PTPRD: variants seen among roughly 807,000 people sequenced by gnomAD.
PTPRD encodes receptor-type tyrosine-protein phosphatase delta.
Under a neutral mutation model 214.5 loss-of-function variants are expected in PTPRD, and 34 were observed. The observed-to-expected ratio is 0.16, with a 90% CI of 0.12 to 0.21. The LOEUF (loss-of-function observed/expected upper bound fraction) is 0.21, where lower values mean the gene tolerates loss of function less well. Ranked by LOEUF, PTPRD falls within the 10% of genes least tolerant of loss-of-function variation. The pLI is 1.00. For synonymous variants in PTPRD, 1,128 were observed against 845.7 expected, an observed-to-expected ratio of 1.33 and a Z score of -5.79; for missense variants, 2,545 against 2,398.7, an observed-to-expected ratio of 1.06 and a Z score of -1.27.
chr9:8,607,602 C>T (rs2095279614), intron 14 of PTPRD, among the ~76,000 whole-genome samples: 1 of 152,088 alleles, frequency 6.6e-6, no homozygotes, highest in Non-Finnish European at 1.5e-5. Flanking sequence ...AAGACTGCGC[C>T]ACTGCACTCC....
intron 2 of PTPRD, among the ~76,000 whole-genome samples, chr9:10,567,192 A>C (rs546477719): frequency 1.7e-4 from 26 of 152,154 alleles, no homozygotes; most frequent in African/African-American, 5.8e-4. Flanking sequence ...TTTATATTTC[A>C]TATACCTAGA....
chr9:8,340,391 G>T lies in PTPRD; in HGVS notation c.5205C>A (p.His1735Gln), dbSNP rs770520673. 8.7e-6 allele frequency: 14 copies of T among 1,610,904 alleles called. No individual in the cohort carries two copies. In the Admixed American group the frequency reaches 1.3e-4, roughly 15 times the overall value. ...TGAGCATCACAACTATGGTGGAATT[G>T]TGTTCCCAGAGCATCCGCCAGAAGT... ...TEDFWRMLWE[H>Q]NSTIVVMLTK... Residue 1735 changes from histidine to glutamine, a missense_variant, in exon 42 of 46, where the codon CAC becomes CAA. Transcript: ENST00000381196.
intron 9 of PTPRD, among the ~76,000 whole-genome samples, chr9:9,372,460 T>C (rs867252022): frequency 1.3e-5 from 2 of 152,150 alleles, no homozygotes; most frequent in Non-Finnish European, 2.9e-5. Context: ...GTTTTCCATT[T>C]GCTTGGTAGA....
chr9:10,452,125 T>C (rs2098845608), intron 2 of PTPRD, among the ~76,000 whole-genome samples: 1 of 151,966 alleles, frequency 6.6e-6, no homozygotes, highest in Admixed American at 6.6e-5. Context: ...TGAAGAGGTA[T>C]TATCAATAGA....
intron 5 of PTPRD, among the ~76,000 whole-genome samples, chr9:9,821,668 T>C (rs188571023): frequency 1.1e-4 from 17 of 152,198 alleles, no homozygotes; most frequent in Non-Finnish European, 2.1e-4. Flanking sequence ...TAAGCATTTG[T>C]ATCTATTATT....
At chr9:10,276,555 G>A (rs2094702590) in intron 3 of PTPRD, among the ~76,000 whole-genome samples, 1 of 152,008 alleles carries the variant, frequency 6.6e-6, no homozygotes, top group Non-Finnish European at 1.5e-5. Flanking sequence ...TAGCCTCTAG[G>A]TACTTCTATA....
intron 4 of PTPRD, among the ~76,000 whole-genome samples, chr9:9,991,578 C>G (rs571642231): frequency 1.3e-5 from 2 of 152,108 alleles, no homozygotes; most frequent in African/African-American, 4.8e-5. Context: ...TCAGGCTGGT[C>G]TCGAACTCCT....
At chr9:9,994,767 C>T (rs71492011) in intron 4 of PTPRD, among the ~76,000 whole-genome samples, 21,801 of 151,996 alleles carry the variant, frequency 0.14, 1,804 homozygotes, top group African/African-American at 0.22. Context: ...AATTGTATTA[C>T]ATTTTAATTT....
At chr9:9,244,133 A>G (rs1470917346) in intron 9 of PTPRD, among the ~76,000 whole-genome samples, 2 of 152,172 alleles carry the variant, frequency 1.3e-5, no homozygotes, top group Non-Finnish European at 2.9e-5. Flanking sequence ...TACAAAATAA[A>G]AGAGGATACA....
chr9:9,780,885 C>A (rs1238055185), intron 5 of PTPRD, among the ~76,000 whole-genome samples: 1 of 152,156 alleles, frequency 6.6e-6, no homozygotes, highest in Non-Finnish European at 1.5e-5. Context: ...CAAGACAAAG[C>A]ATGGAGGAAC....
chr9:10,252,675 A>G (rs944967739), intron 3 of PTPRD, among the ~76,000 whole-genome samples: 1 of 152,232 alleles, frequency 6.6e-6, no homozygotes, highest in South Asian at 2.1e-4. Flanking sequence ...ATAAATTAGC[A>G]TAATCACCAA....
intron 3 of PTPRD, among the ~76,000 whole-genome samples, chr9:10,086,096 G>C (rs1163682394): frequency 6.6e-6 from 1 of 151,752 alleles, no homozygotes; most frequent in Non-Finnish European, 1.5e-5. Flanking sequence ...GACTATAAAT[G>C]TGTAAGAATT....
At chr9:9,876,138 AC>A (rs1182070645) in intron 5 of PTPRD, among the ~76,000 whole-genome samples, 1 of 152,164 alleles carries the variant, frequency 6.6e-6, no homozygotes, top group East Asian at 1.9e-4. Flanking sequence ...GATTATGATT[AC>A]TATGATTATG....
chr9:10,178,912 T>C (rs570240792), intron 3 of PTPRD, among the ~76,000 whole-genome samples: 234 of 151,950 alleles, frequency 1.5e-3, no homozygotes, highest in African/African-American at 5.4e-3. Flanking sequence ...TGTATTTCTA[T>C]GAGTCACAAA....
At chr9:8,638,969 A>G (rs1289323775) in intron 12 of PTPRD, among the ~76,000 whole-genome samples, 2 of 151,818 alleles carry the variant, frequency 1.3e-5, no homozygotes, top group Non-Finnish European at 2.9e-5. Context: ...CAGCCTCCCA[A>G]ATAGCTAGGA....
At chr9:8,944,757 G>A (rs578120317) in intron 11 of PTPRD, among the ~76,000 whole-genome samples, 1 of 152,034 alleles carries the variant, frequency 6.6e-6, no homozygotes, top group South Asian at 2.1e-4. Context: ...AAGAATAGTG[G>A]GGTTGGGGTG....
chr9:8,791,968 G>A (rs2096252330), intron 11 of PTPRD, among the ~76,000 whole-genome samples: 1 of 152,190 alleles, frequency 6.6e-6, no homozygotes, highest in South Asian at 2.1e-4. Context: ...GAGAGTGAAG[G>A]TCAGGGACTG....
At chr9:10,216,912 AGTG>A (rs1452825495) in intron 3 of PTPRD, among the ~76,000 whole-genome samples, 1 of 151,974 alleles carries the variant, frequency 6.6e-6, no homozygotes, top group East Asian at 1.9e-4. Context: ...TGTTCACTCT[AGTG>A]GTAGCTTTCT....
At chr9:10,562,639 T>C (rs1320374819) in intron 2 of PTPRD, among the ~76,000 whole-genome samples, 4 of 152,156 alleles carry the variant, frequency 2.6e-5, no homozygotes, top group Admixed American at 2.6e-4. Context: ...AAATTTATTT[T>C]CCATATATTT....
Sources: allele counts gnomAD v4.1 joint callset (sites outside exome capture counted in the v4.1 genomes callset), GRCh38; gene constraint gnomAD v4.1.1; transcripts MANE v1.5; gene names NCBI Gene and HGNC (gene_info 2026-07-23, HGNC 2026-07-21).